DAB1: variants seen among roughly 807,000 people sequenced by gnomAD.
DAB1 encodes the protein DAB adaptor protein 1.
In DAB1, 15 loss-of-function variants were observed where a neutral mutation model predicts 64.6. The observed-to-expected ratio is 0.23, with a 90% CI of 0.16 to 0.36. The LOEUF (loss-of-function observed/expected upper bound fraction) is 0.36, where lower values mean the gene tolerates loss of function less well. DAB1 is among the 10% of genes least tolerant of loss of function. The probability of loss-of-function intolerance (pLI) is 1.00; values close to 1 mark genes in which losing one functional copy is unlikely to be tolerated. For missense variants in DAB1, 596 were observed against 706.7 expected (o/e 0.84, Z 1.78); for synonymous variants, 235 against 251.9 (o/e 0.93, Z 0.64).
chr1:58,203,851 G>A (rs1215101414), intron 4 of DAB1, among the ~76,000 whole-genome samples: 2 of 152,208 alleles, frequency 1.3e-5, no homozygotes, highest in Non-Finnish European at 2.9e-5. Context: ...GCAGGCATAT[G>A]TCTTCAGTTT....
At chr1:58,120,001 A>T (rs1652638603) in intron 5 of DAB1, among the ~76,000 whole-genome samples, 1 of 152,108 alleles carries the variant, frequency 6.6e-6, no homozygotes, top group African/African-American at 2.4e-5. Context: ...AAAAGTGGAT[A>T]TGCCTTCCAA....
intron 3 of DAB1, among the ~76,000 whole-genome samples, chr1:58,481,588 T>C (rs974479642): frequency 4.6e-5 from 7 of 152,100 alleles, no homozygotes; most frequent in South Asian, 2.1e-4. Flanking sequence ...AAAAAAGATA[T>C]ACATAACTGA....
At chr1:57,065,348 GTGATGGTGAACA>G (rs1264752560) in intron 8 of DAB1, among the ~76,000 whole-genome samples, 1 of 152,072 alleles carries the variant, frequency 6.6e-6, no homozygotes, top group African/African-American at 2.4e-5. Context: ...CCCTGGGACA[GTGATGGTGAACA>G]TGATGGATAT....
chr1:58,158,467 C>T (rs1329384820), intron 4 of DAB1, among the ~76,000 whole-genome samples: 1 of 152,120 alleles, frequency 6.6e-6, no homozygotes, highest in Non-Finnish European at 1.5e-5. Flanking sequence ...GGTCCACATC[C>T]AGGATGGTCC....
Position 58,232,948 on chromosome 1 carries a change from A to C in DAB1, n.310-82360T>G, listed in dbSNP as rs915850988. On this transcript the variant is annotated intron_variant and non_coding_transcript_variant, in intron 4 of 20. Transcript: ENST00000485760. ...TTATCTATTTATTATCTATTTCTCC[A>C]AGCAGGTTGTTAGTGCCACCTGAAC... 1.4e-4 allele frequency among the ~76,000 whole-genome samples: 21 copies of C among 152,154 alleles called. 1 individual carries two copies. The highest frequency in any genetic ancestry group is 4.6e-4 in the African/African-American group (19 of 41,424).
At chr1:58,413,707 T>C (rs773051015) in intron 3 of DAB1, among the ~76,000 whole-genome samples, 1 of 152,202 alleles carries the variant, frequency 6.6e-6, no homozygotes, top group Non-Finnish European at 1.5e-5. Context: ...TCATATTCTG[T>C]AATTACACTG....
intron 4 of DAB1, among the ~76,000 whole-genome samples, chr1:58,285,895 A>G (rs1162321334): frequency 6.6e-6 from 1 of 152,234 alleles, no homozygotes; most frequent in Non-Finnish European, 1.5e-5. Flanking sequence ...TGGAGGCACC[A>G]CACTACCTGA....
At chr1:58,453,582 G>A (rs1183860256) in intron 3 of DAB1, among the ~76,000 whole-genome samples, 5 of 152,120 alleles carry the variant, frequency 3.3e-5, no homozygotes, top group Admixed American at 2.6e-4. Context: ...GACCCGAGGC[G>A]TGCTGCAAAG....
intron 3 of DAB1, among the ~76,000 whole-genome samples, chr1:58,373,710 G>A (rs1414529845): frequency 3.3e-5 from 5 of 151,896 alleles, no homozygotes; most frequent in Admixed American, 6.6e-5. Flanking sequence ...GGGATGGCTG[G>A]GTCAAATGGT....
At chr1:58,106,062 T>C (rs897863407) in intron 5 of DAB1, among the ~76,000 whole-genome samples, 2 of 149,094 alleles carry the variant, frequency 1.3e-5, no homozygotes, top group African/African-American at 5.0e-5. Flanking sequence ...TGTTGTTGTT[T>C]TGGTTTTTTG....
chr1:58,148,778 C>A (rs542937630), intron 5 of DAB1, among the ~76,000 whole-genome samples: 8 of 151,810 alleles, frequency 5.3e-5, no homozygotes, highest in East Asian at 3.9e-4. Context: ...AAATCACACC[C>A]CCCCCCCAAC....
At chr1:58,024,086 G>A (rs1233638816) in intron 5 of DAB1, among the ~76,000 whole-genome samples, 1 of 152,146 alleles carries the variant, frequency 6.6e-6, no homozygotes, top group Non-Finnish European at 1.5e-5. Flanking sequence ...TCGTAATTAT[G>A]TTTCCTGTTA....
intron 6 of DAB1, among the ~76,000 whole-genome samples, chr1:57,715,282 C>T (rs1647071536): frequency 1.3e-5 from 2 of 152,108 alleles, no homozygotes; most frequent in Admixed American, 1.3e-4. Flanking sequence ...TATACCTTAA[C>T]ACAATAAAGT....
intron 4 of DAB1, among the ~76,000 whole-genome samples, chr1:58,204,904 C>A (rs6587803): frequency 6.6e-6 from 1 of 151,960 alleles, no homozygotes; most frequent in Non-Finnish European, 1.5e-5. Context: ...TATGAACCAT[C>A]AAAATCTAAG....
intron 2 of DAB1, among the ~76,000 whole-genome samples, chr1:57,189,862 A>T (rs1663963448): frequency 6.7e-6 from 1 of 148,472 alleles, no homozygotes; most frequent in Admixed American, 6.6e-5. Context: ...AAAAAAAAAC[A>T]CAACAGAAAA....
chr1:58,262,582 TA>T (rs771225363), intron 4 of DAB1, among the ~76,000 whole-genome samples: 2 of 151,630 alleles, frequency 1.3e-5, no homozygotes, highest in Non-Finnish European at 2.9e-5. Context: ...AGACTGCATC[TA>T]AAAAAAACAA....
upstream of DAB1, among the ~76,000 whole-genome samples, chr1:57,426,930 C>A (rs1324733769): frequency 4.0e-5 from 6 of 151,122 alleles, no homozygotes; most frequent in Non-Finnish European, 5.9e-5. Context: ...GTGGCGCGAT[C>A]TCGGCTCACT....
At chr1:58,487,656 T>C (rs1315725051) in intron 3 of DAB1, among the ~76,000 whole-genome samples, 2 of 152,196 alleles carry the variant, frequency 1.3e-5, no homozygotes, top group Admixed American at 6.5e-5. Context: ...GTTTTTTAAA[T>C]TTGATTTATT....
intron 3 of DAB1, among the ~76,000 whole-genome samples, chr1:58,377,612 A>C (rs1644341365): frequency 7.3e-6 from 1 of 137,242 alleles, no homozygotes; most frequent in African/African-American, 2.8e-5. Flanking sequence ...TGCCCTTAAC[A>C]TTTTTTCCTT....
Sources: gnomAD v4.1 joint callset for allele counts (sites outside exome capture counted in the v4.1 genomes callset) on GRCh38, gnomAD v4.1.1 for gene constraint, MANE v1.5 for transcripts, NCBI Gene and HGNC (gene_info 2026-07-23, HGNC 2026-07-21) for gene names.